The following ARHGEF3 variants were observed in gnomAD, a reference collection of about 807,000 sequenced individuals.
ARHGEF3 encodes Rho guanine nucleotide exchange factor 3, also known as 59.8 kDA protein.
In ARHGEF3, 28 loss-of-function variants were observed where a neutral mutation model predicts 63.2. The observed-to-expected ratio is 0.44, with a 90% CI of 0.33 to 0.61. ARHGEF3 has a LOEUF of 0.61. Ranked by LOEUF, ARHGEF3 falls within the 20% of genes least tolerant of loss-of-function variation. The pLI, the probability that ARHGEF3 is intolerant of heterozygous loss-of-function variation, is 0.03. For synonymous variants in ARHGEF3, 266 were observed against 254.2 expected (o/e 1.05, Z -0.44); for missense variants, 533 against 659.3 (o/e 0.81, Z 2.10).
intron 2 of ARHGEF3, among the ~76,000 whole-genome samples, chr3:56,762,796 G>A (rs2035497006): frequency 6.6e-6 from 1 of 152,154 alleles, no homozygotes; most frequent in African/African-American, 2.4e-5. Context: ...CCACTGCGGT[G>A]GGTTAAACCA....
chr3:56,801,830 A>G lies in ARHGEF3; in HGVS notation c.-32T>C, dbSNP rs1480755738. ...TGCCGGGCCTGCCCTTTGGGATGTC[A>G]CCGCTGACCCTAGGCGACTACAAAA... On this transcript the variant is annotated 5_prime_UTR_variant, in exon 1 of 10. Transcript: ENST00000296315. The G allele has an allele frequency of 1.9e-6, 3 of 1,552,716 alleles. No homozygotes were observed. Among genetic ancestry groups the G allele is most frequent in the East Asian group, 4.9e-5 (2 of 41,160 alleles).
chr3:57,077,439 C>A (rs547376642), intron 1 of ARHGEF3, among the ~76,000 whole-genome samples: 1 of 152,200 alleles, frequency 6.6e-6, no homozygotes, highest in South Asian at 2.1e-4. Flanking sequence ...TCAAGTGCCT[C>A]GTGTAGATTT....
At chr3:56,834,704 C>T (rs1184283810) in intron 4 of ARHGEF3, among the ~76,000 whole-genome samples, 2 of 147,568 alleles carry the variant, frequency 1.4e-5, no homozygotes, top group African/African-American at 5.0e-5. Flanking sequence ...GAGATTGTGC[C>T]ATTGCACTCC....
chr3:56,954,058 C>T (rs1284194123), intron 3 of ARHGEF3, among the ~76,000 whole-genome samples: 2 of 152,052 alleles, frequency 1.3e-5, no homozygotes, highest in Admixed American at 6.6e-5. Flanking sequence ...ACTTCTAAGC[C>T]CCAGAGTCTA....
intron 2 of ARHGEF3, among the ~76,000 whole-genome samples, chr3:56,961,117 C>T (rs1700261065): frequency 6.6e-6 from 1 of 152,210 alleles, no homozygotes; most frequent in South Asian, 2.1e-4. Context: ...CTAAGTCTCA[C>T]AATAATCTTA....
chr3:56,903,812 C>T (rs2041600963), intron 3 of ARHGEF3, among the ~76,000 whole-genome samples: 1 of 152,004 alleles, frequency 6.6e-6, no homozygotes, highest in Admixed American at 6.5e-5. Context: ...GTGAGGGTCC[C>T]AATGAGCTTT....
intron 1 of ARHGEF3, chr3:57,078,794 C>A (rs1706332067): frequency 6.5e-6 from 1 of 154,400 alleles, no homozygotes; most frequent in Non-Finnish European, 1.4e-5. Flanking sequence ...TGCGGGTGCC[C>A]CGCGGGGCTG....
At chr3:56,990,554 A>G (rs139773340) in intron 2 of ARHGEF3, among the ~76,000 whole-genome samples, 96 of 152,192 alleles carry the variant, frequency 6.3e-4, no homozygotes, top group African/African-American at 2.2e-3. Flanking sequence ...CCACTACCTG[A>G]GAGTAGTTTC....
chr3:56,864,281 C>G (rs1398579902), intron 4 of ARHGEF3, among the ~76,000 whole-genome samples: 1 of 152,196 alleles, frequency 6.6e-6, no homozygotes, highest in Non-Finnish European at 1.5e-5. Flanking sequence ...CACCATCTAC[C>G]ACCTACCAGC....
chr3:57,011,373 C>T (rs966889507), intron 2 of ARHGEF3, among the ~76,000 whole-genome samples: 4 of 152,222 alleles, frequency 2.6e-5, no homozygotes, highest in Non-Finnish European at 5.9e-5. Flanking sequence ...GATAGAGTTG[C>T]TCTCAATCCC....
chr3:56,771,510 A>G (rs957008631), intron 2 of ARHGEF3, among the ~76,000 whole-genome samples: 3 of 152,296 alleles, frequency 2.0e-5, no homozygotes, highest in African/African-American at 7.2e-5. Context: ...AATGACAGAG[A>G]GTAAAGGGCC....
intron 1 of ARHGEF3, among the ~76,000 whole-genome samples, chr3:56,774,451 G>A (rs764940247): frequency 1.3e-5 from 2 of 152,080 alleles, no homozygotes; most frequent in Admixed American, 6.5e-5. Context: ...GCCCTACCAC[G>A]GACATCGGTT....
At chr3:56,961,600 T>C (rs4303840) in intron 2 of ARHGEF3, among the ~76,000 whole-genome samples, 17,721 of 152,206 alleles carry the variant, frequency 0.12, 1,275 homozygotes, top group East Asian at 0.25. Flanking sequence ...CCATTCGGGA[T>C]ACTGTTGGGC....
chr3:56,922,175 T>C (rs768135480), intron 3 of ARHGEF3, among the ~76,000 whole-genome samples: 10 of 152,098 alleles, frequency 6.6e-5, no homozygotes, highest in Non-Finnish European at 1.2e-4. Context: ...AAGGGCCACC[T>C]GAAGAATTTC....
chr3:57,012,600 G>A (rs1355592254), intron 2 of ARHGEF3, among the ~76,000 whole-genome samples: 1 of 152,216 alleles, frequency 6.6e-6, no homozygotes, highest in Non-Finnish European at 1.5e-5. Context: ...AACTGACATA[G>A]AAGGTGGGTA....
chr3:56,912,997 G>A (rs929426568), intron 3 of ARHGEF3, among the ~76,000 whole-genome samples: 6 of 152,008 alleles, frequency 3.9e-5, no homozygotes, highest in Admixed American at 3.3e-4. Context: ...AAATTAGCTG[G>A]GTATGGTGGT....
At chr3:57,049,168 G>A (rs914778184) in intron 1 of ARHGEF3, among the ~76,000 whole-genome samples, 2 of 152,142 alleles carry the variant, frequency 1.3e-5, no homozygotes, top group African/African-American at 2.4e-5. Flanking sequence ...CCAGAAGTTC[G>A]AGACCAGCCT....
chr3:56,734,432 G>A (rs1191621189), intron 8 of ARHGEF3, among the ~76,000 whole-genome samples: 2 of 152,242 alleles, frequency 1.3e-5, no homozygotes, highest in South Asian at 2.1e-4. Context: ...AAGGCAAGAG[G>A]GAGTGAGAGG....
intron 3 of ARHGEF3, among the ~76,000 whole-genome samples, chr3:56,948,951 C>A (rs1433752303): frequency 1.3e-5 from 2 of 152,050 alleles, no homozygotes; most frequent in Non-Finnish European, 1.5e-5. Context: ...GGCTTCATCC[C>A]TGGGATGCAA....
Sources: allele counts gnomAD v4.1 joint callset (sites outside exome capture counted in the v4.1 genomes callset), GRCh38; gene constraint gnomAD v4.1.1; transcripts MANE v1.5; gene names NCBI Gene and HGNC (gene_info 2026-07-23, HGNC 2026-07-21).